The following IL1RAPL1 variants were observed in gnomAD, a reference collection of about 807,000 sequenced individuals.
IL1RAPL1 encodes interleukin-1 receptor accessory protein-like 1.
In IL1RAPL1, 3 loss-of-function variants were observed where a neutral mutation model predicts 48.4. The observed-to-expected ratio is 0.06, with a 90% CI of 0.03 to 0.16. The LOEUF (loss-of-function observed/expected upper bound fraction) is 0.16, where lower values mean the gene tolerates loss of function less well. IL1RAPL1 is among the 10% of genes least tolerant of loss of function. IL1RAPL1 has a pLI of 1.00. For missense variants in IL1RAPL1, 349 were observed against 530.6 expected (o/e 0.66, Z 3.36); for synonymous variants, 185 against 187.7 (o/e 0.99, Z 0.12).
intron 1 of IL1RAPL1, chrX:28,659,340 G>A (rs1934788359): frequency 1.8e-6 from 1 of 551,741 alleles, no homozygotes; most frequent in Admixed American, 2.3e-5. Context: ...ACAGTACCAG[G>A]CCTGTAACGA....
chrX:28,737,153 C>T (rs868226127), intron 1 of IL1RAPL1, among the ~76,000 whole-genome samples: 4 of 26,758 alleles, frequency 1.5e-4, no homozygotes, highest in East Asian at 3.0e-3. Context: ...TTCCTTCCTT[C>T]CTTCCTTCCT....
intron 5 of IL1RAPL1, among the ~76,000 whole-genome samples, chrX:29,642,112 C>A (rs1281467269): frequency 8.9e-6 from 1 of 112,476 alleles, no homozygotes; most frequent in Non-Finnish European, 1.9e-5. Flanking sequence ...ATTTCTTAGA[C>A]TTGCCATTTG....
chrX:29,738,450 CTT>C (rs59952038), intron 6 of IL1RAPL1, among the ~76,000 whole-genome samples: 39 of 86,083 alleles, frequency 4.5e-4, no homozygotes, highest in East Asian at 1.4e-3. Context: ...CTTTTCTTTT[CTT>C]TTTTTTTTTT....
chrX:29,002,982 G>C (rs891520922), intron 2 of IL1RAPL1, among the ~76,000 whole-genome samples: 2 of 110,460 alleles, frequency 1.8e-5, no homozygotes, highest in African/African-American at 3.3e-5. Context: ...TACTGACTGA[G>C]TGCAATGTAC....
intron 2 of IL1RAPL1, among the ~76,000 whole-genome samples, chrX:29,123,005 T>TTTTATTTATTTATTTATTTA (rs201703450): frequency 9.8e-6 from 1 of 101,697 alleles, no homozygotes; most frequent in Non-Finnish European, 2.0e-5. Flanking sequence ...GAATAGCACG[T>TTTTATTTATTTATTTATTTA]TTTATTTATT....
intron 2 of IL1RAPL1, among the ~76,000 whole-genome samples, chrX:28,993,747 C>A (rs992677257): frequency 2.7e-5 from 3 of 111,852 alleles, no homozygotes; most frequent in Non-Finnish European, 5.6e-5. Context: ...TTGATGAATG[C>A]CATATTGTCT....
intron 6 of IL1RAPL1, among the ~76,000 whole-genome samples, chrX:29,901,604 T>C (rs1932497838): frequency 8.9e-6 from 1 of 112,118 alleles, no homozygotes; most frequent in African/African-American, 3.2e-5. Flanking sequence ...CCCATATTTT[T>C]CCTTTTTGTT....
chrX:29,389,988 AGATAT>A (rs1933834447), intron 3 of IL1RAPL1, among the ~76,000 whole-genome samples: 1 of 112,312 alleles, frequency 8.9e-6, no homozygotes, highest in Non-Finnish European at 1.9e-5. Context: ...AAGAAAGATA[AGATAT>A]AAGAGAGGGA....
chrX:29,632,461 T>A (rs1278366115), intron 5 of IL1RAPL1, among the ~76,000 whole-genome samples: 1 of 111,777 alleles, frequency 8.9e-6, no homozygotes, highest in Non-Finnish European at 1.9e-5. Context: ...TAACTTTCAA[T>A]AAACTATTTA....
intron 1 of IL1RAPL1, among the ~76,000 whole-genome samples, chrX:28,768,418 G>T (rs1288160443): frequency 1.8e-5 from 2 of 109,965 alleles, no homozygotes; most frequent in Non-Finnish European, 3.8e-5. Context: ...ACCTTATGAA[G>T]AATTTAAAGA....
At chrX:29,081,237 G>T (rs1025313122) in intron 2 of IL1RAPL1, among the ~76,000 whole-genome samples, 2 of 105,489 alleles carry the variant, frequency 1.9e-5, no homozygotes, top group Non-Finnish European at 3.9e-5. Flanking sequence ...CGTATTTTTA[G>T]TAGAGATGGG....
At chrX:29,199,375 A>AT (rs1476068657) in intron 2 of IL1RAPL1, among the ~76,000 whole-genome samples, 2 of 111,317 alleles carry the variant, frequency 1.8e-5, no homozygotes, top group Non-Finnish European at 3.8e-5. Flanking sequence ...ATGCTCTTAT[A>AT]TACTTAAATT....
chrX:29,449,724 T>G (rs1309822171), intron 5 of IL1RAPL1, among the ~76,000 whole-genome samples: 1 of 89,219 alleles, frequency 1.1e-5, no homozygotes, highest in African/African-American at 4.2e-5. Context: ...GAGTAACTTA[T>G]GCATACATAT....
intron 6 of IL1RAPL1, among the ~76,000 whole-genome samples, chrX:29,916,431 C>T (rs1238468518): frequency 1.8e-5 from 2 of 111,622 alleles, no homozygotes; most frequent in East Asian, 5.7e-4. Flanking sequence ...TCTATGGCTA[C>T]CACAAATTGA....
intron 5 of IL1RAPL1, among the ~76,000 whole-genome samples, chrX:29,655,562 C>T (rs1925651074): frequency 9.8e-6 from 1 of 101,616 alleles, no homozygotes; most frequent in Non-Finnish European, 2.0e-5. Flanking sequence ...ACTCAGGAGG[C>T]TGAGGCAGGA....
chrX:29,186,921 T>A (rs918261720), intron 2 of IL1RAPL1, among the ~76,000 whole-genome samples: 1 of 110,903 alleles, frequency 9.0e-6, no homozygotes, highest in Non-Finnish European at 1.9e-5. Flanking sequence ...AGCTGAATTA[T>A]GAGAACACAT....
intron 2 of IL1RAPL1, among the ~76,000 whole-genome samples, chrX:29,048,577 A>G (rs758180546): frequency 3.6e-5 from 4 of 112,174 alleles, no homozygotes; most frequent in East Asian, 2.8e-4. Context: ...TTGATTCTGC[A>G]TATCTTATCA....
At chrX:28,931,766 G>A (rs935817141) in intron 2 of IL1RAPL1, among the ~76,000 whole-genome samples, 3 of 111,378 alleles carry the variant, frequency 2.7e-5, no homozygotes, top group East Asian at 2.8e-4. Flanking sequence ...GGCCAGGTGC[G>A]GTGGCTCACG....
At chrX:29,820,551 C>T (rs988561139) in intron 6 of IL1RAPL1, among the ~76,000 whole-genome samples, 1 of 111,607 alleles carries the variant, frequency 9.0e-6, no homozygotes, top group African/African-American at 3.3e-5. Flanking sequence ...AATAATTATA[C>T]CTATTTTAGC....
Sources: allele counts gnomAD v4.1 joint callset (sites outside exome capture counted in the v4.1 genomes callset), GRCh38; gene constraint gnomAD v4.1.1; transcripts MANE v1.5; gene names NCBI Gene and HGNC (gene_info 2026-07-23, HGNC 2026-07-21).